Variants in AXIN1 observed in about 807,000 individuals in gnomAD.
AXIN1 encodes axin-1.
In AXIN1, 30 loss-of-function variants were observed where a neutral mutation model predicts 76.4. That is an observed-to-expected ratio of 0.39 (90% CI 0.29 to 0.53). The LOEUF is 0.53. Among genes scored for constraint, AXIN1 ranks in the 20% least tolerant of loss-of-function variants. The pLI, the probability that AXIN1 is intolerant of heterozygous loss-of-function variation, is 0.66. For missense variants in AXIN1, 1,140 were observed against 1,198.8 expected (o/e 0.95, Z 0.72); for synonymous variants, 545 against 501.4 (o/e 1.09, Z -1.16).
chr16:320,673 G>A (rs995784965), intron 2 of AXIN1, among the ~76,000 whole-genome samples: 16 of 147,414 alleles, frequency 1.1e-4, no homozygotes, highest in Non-Finnish European at 1.6e-4. Flanking sequence ...ATATGTAAAT[G>A]TATATATGTG....
rs1227566628 is a variant in AXIN1 at position 310,050 on chromosome 16, T to C, written c.1039A>G (p.Arg347Gly). The C allele has an allele frequency of 6.2e-7, 1 of 1,612,146 alleles. No individual in the cohort carries two copies. The highest frequency in any genetic ancestry group is 1.7e-5 in the Admixed American group (1 of 59,918). Reference protein sequence around the residue: ...DSSVDGIPPYRIRKQHRREMQ... With the variant: ...DSSVDGIPPYGIRKQHRREMQ... Reference sequence around the variant, plus strand: ...TCCCTGCGGTGCTGCTTACGGATCCTGTATGGGGGGATCCCATCCCTGTCC... The same window carrying C: ...TCCCTGCGGTGCTGCTTACGGATCCCGTATGGGGGGATCCCATCCCTGTCC... Residue 347 changes from arginine (R) to glycine (G), a missense_variant, in exon 4 of 11, where the codon AGG (arginine) becomes GGG (glycine). This residue lies in a region of AXIN1 where 708 missense variants were observed against 776.9 expected (regional missense o/e 0.91). Coordinates refer to ENST00000262320, the MANE Select transcript of AXIN1 (RefSeq NM_003502.4).
At chr16:305,365 G>T (rs2052991118) in intron 4 of AXIN1, among the ~76,000 whole-genome samples, 3 of 152,108 alleles carry the variant, frequency 2.0e-5, no homozygotes, top group Admixed American at 2.0e-4. Flanking sequence ...GACTACTTGG[G>T]AGGCTGAGGT....
At chr16:335,433 G>A (rs537182679) in intron 2 of AXIN1, among the ~76,000 whole-genome samples, 5 of 151,030 alleles carry the variant, frequency 3.3e-5, no homozygotes, top group Admixed American at 6.6e-5. Context: ...CCAGTACCAC[G>A]GCACACTAAT....
At position 296,957 on chromosome 16, in the gene AXIN1, C is replaced by G. The variant is rs2052726718; in HGVS notation, c.1955+99G>C. On this transcript the variant is annotated intron_variant, in intron 7 of 10. Coordinates refer to ENST00000262320, the MANE Select transcript of AXIN1 (RefSeq NM_003502.4). ...GGGAAGTGTGAGGCGTCACAGGCGA[C>G]ACTCGCCACACACACTGAAGCTGCA... 4.2e-6 allele frequency: 6 copies of G among 1,418,870 alleles called. 1 individual carries two copies. In the South Asian group the frequency reaches 6.9e-5, roughly 16 times the overall value. The allele number at this position is 1,418,870 out of a possible 1,614,324, so 87.9% of individuals were successfully genotyped here. A position where few individuals can be genotyped will look rare whatever the true frequency, so the allele number is the denominator to read the frequency against.
At chr16:351,241 C>T (rs546287440) in intron 1 of AXIN1, among the ~76,000 whole-genome samples, 1 of 151,996 alleles carries the variant, frequency 6.6e-6, no homozygotes, top group Admixed American at 6.6e-5. Flanking sequence ...GCTCGAGATT[C>T]TTCCTGAAGA....
At chr16:288,545 G>A (rs1448736055) in intron 10 of AXIN1, among the ~76,000 whole-genome samples, 1 of 150,914 alleles carries the variant, frequency 6.6e-6, no homozygotes, top group Non-Finnish European at 1.5e-5. Context: ...GACGGGTGTG[G>A]GGTGTCTGCT....
At chr16:326,206 T>C (rs1289071303) in intron 2 of AXIN1, among the ~76,000 whole-genome samples, 12 of 150,542 alleles carry the variant, frequency 8.0e-5, no homozygotes. Flanking sequence ...TACAAAAAAT[T>C]AGCTGGGCAT....
chr16:297,073 G>T lies in AXIN1; in HGVS notation c.1938C>A (p.His646Gln), dbSNP rs753979793. Residue 646 changes from histidine (H) to glutamine (Q), a missense_variant, in exon 7 of 11, where the codon CAC becomes CAA. Transcript: ENST00000262320. ...IIEGEKEISR[H>Q]RRTGHGSSGT... ...GTGCTCACCCGTGGCCGGTCCTGCG[G>T]TGCCTGCTGATCTCCTTTTCCCCCT... 1 of 1,611,888 alleles carries T rather than the reference G, an allele frequency of 6.2e-7. No homozygotes were observed. Among genetic ancestry groups the T allele is most frequent in the South Asian group, 1.1e-5 (1 of 91,084 alleles).
intron 2 of AXIN1, among the ~76,000 whole-genome samples, chr16:339,952 C>T (rs558318293): frequency 1.3e-5 from 2 of 152,324 alleles, no homozygotes; most frequent in East Asian, 1.9e-4. Context: ...ACAGCACCAC[C>T]GCCTGAGGTC....
In AXIN1 at chr16:297,900, G is replaced by A; in HGVS notation, c.1606C>T (p.His536Tyr). 5 of 1,594,160 alleles carry A rather than the reference G, an allele frequency of 3.1e-6. No individual in the cohort carries two copies. The highest frequency in any genetic ancestry group is 4.3e-6 in the Non-Finnish European group (5 of 1,169,358). ...GCTGTGCTGTGGTGGACGTGGTGGT[G>A]GACGTGTCGGTGGTGGTGCAGGCCG... ...AAGLHHHRHV[H>Y]HHVHHSTARP... The change falls in exon 6 of 11, where the codon CAC becomes TAC. Residue 536 changes from histidine to tyrosine, a missense_variant. Physicochemically the swap from His to Tyr is moderately conservative, Grantham distance 83. Transcript: ENST00000262320.
chr16:332,446 G>A (rs1341095317), intron 2 of AXIN1, among the ~76,000 whole-genome samples: 7 of 151,728 alleles, frequency 4.6e-5, no homozygotes, highest in Non-Finnish European at 8.8e-5. Context: ...GCGTGGTGGC[G>A]GGCGCCTGTA....
chr16:336,091 T>C (rs1243136736), intron 2 of AXIN1, among the ~76,000 whole-genome samples: 1 of 152,138 alleles, frequency 6.6e-6, no homozygotes, highest in Non-Finnish European at 1.5e-5. Flanking sequence ...AAAAATTAGC[T>C]GGGTGTGGTG....
chr16:304,773 G>A (rs545471825), intron 4 of AXIN1, among the ~76,000 whole-genome samples: 2 of 152,320 alleles, frequency 1.3e-5, no homozygotes, highest in African/African-American at 4.8e-5. Context: ...GACCTCAGGT[G>A]ATCTGCCCAC....
At chr16:332,090 G>A (rs1020698481) in intron 2 of AXIN1, among the ~76,000 whole-genome samples, 11 of 152,314 alleles carry the variant, frequency 7.2e-5, no homozygotes, top group African/African-American at 2.2e-4. Flanking sequence ...GACACAGGCA[G>A]TGCGAGAGTC....
chr16:289,743 G>GCCCGCTGCC lies in AXIN1; in HGVS notation c.2295-137_2295-136insGGCAGCGGG, dbSNP rs372846588. The GCCCGCTGCC allele has an allele frequency of 7.0e-4, 758 of 1,083,450 alleles. 5 individuals are homozygous for GCCCGCTGCC. The African/African-American group carries it at 0.01, about 15-fold the overall frequency. The allele number at this position is 1,083,450 out of a possible 1,614,324, so 67.1% of individuals were successfully genotyped here. ...GCAGCACCCCATTCAAACACCTGGG[G>GCCCGCTGCC]CCCGCAGCCCCCGCACAGCATCTCA... On this transcript the variant is annotated intron_variant, in intron 9 of 10. Transcript: ENST00000262320.
rs574570180 is a variant in AXIN1, at chr16:349,276, A to G, written c.-81-2170T>C. ...GCCTCAGCAGGAACACACAGCTTCT[A>G]AAGGTCAAGGCCCAGTGAGCTGTGA... On this transcript the variant is annotated intron_variant, in intron 1 of 10. Transcript: ENST00000262320. Among the ~76,000 whole-genome samples the G allele has an allele frequency of 3.3e-5, 5 of 152,268 alleles. No homozygotes were observed. In the South Asian group the frequency reaches 6.2e-4, roughly 19 times the overall value.
intron 5 of AXIN1, among the ~76,000 whole-genome samples, chr16:302,673 AGT>A (rs1281267486): frequency 6.6e-6 from 1 of 152,134 alleles, no homozygotes; most frequent in Non-Finnish European, 1.5e-5. Context: ...CGGGTGAAAG[AGT>A]GAGTGTACCG....
intron 2 of AXIN1, among the ~76,000 whole-genome samples, chr16:318,673 G>A (rs1256987483): frequency 6.6e-6 from 1 of 152,204 alleles, no homozygotes; most frequent in South Asian, 2.1e-4. Flanking sequence ...CTGCCTGTGC[G>A]TGCGCCTATG....
intron 10 of AXIN1, among the ~76,000 whole-genome samples, 171 bp downstream of exon 10, chr16:289,269 T>C (rs937948253): frequency 6.6e-6 from 1 of 152,176 alleles, no homozygotes; most frequent in Non-Finnish European, 1.5e-5. Flanking sequence ...TTTCACCATG[T>C]TGCCCAGGCT....
Sources: allele counts gnomAD v4.1 joint callset (sites outside exome capture counted in the v4.1 genomes callset), GRCh38; gene constraint gnomAD v4.1.1; regional missense constraint gnomAD v4.1.1; transcripts MANE v1.5; gene names NCBI Gene and HGNC (gene_info 2026-07-23, HGNC 2026-07-21).